The following KSR2 variants were observed in gnomAD, a reference collection of about 807,000 sequenced individuals.
KSR2 encodes kinase suppressor of ras 2.
Under a neutral mutation model 107.8 loss-of-function variants are expected in KSR2, and 25 were observed. The ratio of observed to expected loss-of-function variants is 0.23; its 90% CI spans 0.17 to 0.32. KSR2 has a LOEUF of 0.32. Ranked by LOEUF, KSR2 falls within the 10% of genes least tolerant of loss-of-function variation. The pLI is 1.00. For missense variants in KSR2, 887 were observed against 1,268.9 expected (o/e 0.70, Z 4.57); for synonymous variants, 480 against 507.0 (o/e 0.95, Z 0.71).
chr12:117,771,162 A>T (rs1390510737), intron 3 of KSR2, among the ~76,000 whole-genome samples: 2 of 152,214 alleles, frequency 1.3e-5, no homozygotes, highest in Non-Finnish European at 2.9e-5. Context: ...GCTAAAGGGA[A>T]AAGTCAAGCT....
chr12:117,598,054 T>C (rs899885053), intron 5 of KSR2, among the ~76,000 whole-genome samples: 1 of 152,200 alleles, frequency 6.6e-6, no homozygotes, highest in African/African-American at 2.4e-5. Flanking sequence ...AGTTCTTTAA[T>C]GGTGATTTCT....
chr12:117,509,283 T>G (rs1308424316), intron 14 of KSR2, among the ~76,000 whole-genome samples: 1 of 152,146 alleles, frequency 6.6e-6, no homozygotes, highest in Non-Finnish European at 1.5e-5. Context: ...TCCCCTTCCC[T>G]CTTTGCATTC....
intron 14 of KSR2, among the ~76,000 whole-genome samples, chr12:117,518,308 C>T (rs917474114): frequency 1.8e-4 from 27 of 152,134 alleles, no homozygotes; most frequent in Non-Finnish European, 3.8e-4. Context: ...TCCTGGGGCA[C>T]ACAGTCTGAG....
chr12:117,662,376 A>T (rs566553454), intron 5 of KSR2, among the ~76,000 whole-genome samples: 4 of 152,154 alleles, frequency 2.6e-5, no homozygotes, highest in Admixed American at 1.3e-4. Context: ...GAGTCTCTTT[A>T]TAACCCTTCC....
At chr12:117,530,826 C>T (rs1272415075) in intron 12 of KSR2, 115 bp downstream of exon 12, 1 of 893,460 alleles carries the variant, frequency 1.1e-6, no homozygotes, top group Non-Finnish European at 1.8e-6. Flanking sequence ...TCTCCCTCTG[C>T]CCCCAACTCC....
At position 117,761,397 on chromosome 12, in the gene KSR2, C is replaced by T. The variant is rs199763793; in HGVS notation, c.600G>A (p.Arg200=). 8.0e-5 allele frequency: 128 copies of T among 1,608,216 alleles called. No homozygotes were observed. Among genetic ancestry groups the T allele is most frequent in the Non-Finnish European group, 9.9e-5 (117 of 1,178,508 alleles). ...WIRTHLSQSP[R]VPSKCVQHYC... is the part of the protein sequence containing the mutation. ...AGTGCTGGACGCACTTGGACGGGACCCTGGGGCTCTGGGAGAGATGGGTGC... is the reference window on the plus strand; with the variant it reads ...AGTGCTGGACGCACTTGGACGGGACTCTGGGGCTCTGGGAGAGATGGGTGC... The change falls in exon 4 of 20, where the codon AGG becomes AGA. Residue 200 remains arginine (R), a synonymous_variant. Coordinates refer to ENST00000339824, the MANE Select transcript of KSR2 (RefSeq NM_173598.6).
chr12:117,853,279 G>C (rs1258030742), intron 3 of KSR2, among the ~76,000 whole-genome samples: 1 of 152,174 alleles, frequency 6.6e-6, no homozygotes, highest in Non-Finnish European at 1.5e-5. Flanking sequence ...TTAGTATTCA[G>C]GTATTAAAAA....
At chr12:117,767,039 T>C (rs1326215968) in intron 3 of KSR2, among the ~76,000 whole-genome samples, 1 of 151,244 alleles carries the variant, frequency 6.6e-6, no homozygotes, top group Non-Finnish European at 1.5e-5. Flanking sequence ...GGCCTCGTGA[T>C]CCACCAGCCT....
intron 1 of KSR2, among the ~76,000 whole-genome samples, chr12:117,871,545 G>A (rs1043881743): frequency 4.6e-5 from 7 of 151,416 alleles, no homozygotes; most frequent in Admixed American, 2.0e-4. Flanking sequence ...CCAGGAAACC[G>A]AGATCGTGCC....
At chr12:117,555,971 G>A (rs1479804981) in intron 8 of KSR2, among the ~76,000 whole-genome samples, 1 of 152,084 alleles carries the variant, frequency 6.6e-6, no homozygotes. Context: ...TGTTGTTGTT[G>A]TTGTTGTTGT....
Position 117,495,453 on chromosome 12 carries a change from C to T in KSR2, c.2220-9762G>A, listed in dbSNP as rs549713446. Among the ~76,000 whole-genome samples the T allele has an allele frequency of 5.3e-5, 8 of 152,320 alleles. No individual in the cohort carries two copies. In the South Asian group the frequency reaches 1.5e-3, roughly 28 times the overall value. ...AGAAATGCCAGCTGTCTGCCACCTG[C>T]TTAACTCAACGTGTGTCCAGGAAAT... is the stretch of plus-strand genomic sequence containing the variant. On this transcript the variant is annotated intron_variant, in intron 14 of 19. Transcript: ENST00000339824.
At chr12:117,739,282 G>A (rs1888076643) in intron 4 of KSR2, among the ~76,000 whole-genome samples, 1 of 152,058 alleles carries the variant, frequency 6.6e-6, no homozygotes, top group Non-Finnish European at 1.5e-5. Flanking sequence ...GTGAACCTGG[G>A]AGGAGGAGCT....
intron 7 of KSR2, among the ~76,000 whole-genome samples, chr12:117,574,144 G>T (rs1357031746): frequency 1.3e-5 from 2 of 152,052 alleles, no homozygotes; most frequent in African/African-American, 2.4e-5. Context: ...CTAGGAGTCT[G>T]CCCCAGAGGT....
chr12:117,691,066 T>A (rs1885792697), intron 4 of KSR2, among the ~76,000 whole-genome samples: 1 of 152,176 alleles, frequency 6.6e-6, no homozygotes, highest in African/African-American at 2.4e-5. Flanking sequence ...GGACAGGGCT[T>A]CAAGTGGGAC....
chr12:117,718,014 C>T (rs181615905), intron 4 of KSR2, among the ~76,000 whole-genome samples: 221 of 152,198 alleles, frequency 1.5e-3, no homozygotes, highest in African/African-American at 4.8e-3. Context: ...TAGATCCAAC[C>T]GTACCTAAAG....
intron 14 of KSR2, among the ~76,000 whole-genome samples, chr12:117,502,861 G>T (rs1873461763): frequency 6.6e-6 from 1 of 152,160 alleles, no homozygotes; most frequent in African/African-American, 2.4e-5. Flanking sequence ...CCATGCCTCT[G>T]CTGGCCTGAC....
intron 7 of KSR2, among the ~76,000 whole-genome samples, chr12:117,565,994 C>T (rs192624057): frequency 1.7e-4 from 26 of 152,276 alleles, no homozygotes; most frequent in Middle Eastern, 3.4e-3. Context: ...CAGGGGGACA[C>T]GTACAGGTTT....
intron 1 of KSR2, among the ~76,000 whole-genome samples, chr12:117,885,636 T>C (rs950073005): frequency 6.7e-6 from 1 of 149,676 alleles, no homozygotes; most frequent in African/African-American, 2.5e-5. Flanking sequence ...TGTAATTATA[T>C]GTATATAATA....
intron 3 of KSR2, among the ~76,000 whole-genome samples, chr12:117,841,904 G>C (rs1384280602): frequency 2.0e-5 from 3 of 152,246 alleles, no homozygotes; most frequent in Non-Finnish European, 4.4e-5. Context: ...GCGTGACTTG[G>C]CCCAGTAAGA....
Sources: allele counts gnomAD v4.1 joint callset (sites outside exome capture counted in the v4.1 genomes callset), GRCh38; gene constraint gnomAD v4.1.1; transcripts MANE v1.5; gene names NCBI Gene and HGNC (gene_info 2026-07-23, HGNC 2026-07-21).